The following UNC5D variants were observed in gnomAD, a reference collection of about 807,000 sequenced individuals.
UNC5D encodes the protein unc-5 netrin receptor D.
In UNC5D, 39 loss-of-function variants were observed where a neutral mutation model predicts 105.4. The observed-to-expected ratio is 0.37, with a 90% confidence interval of 0.29 to 0.48. The LOEUF (loss-of-function observed/expected upper bound fraction) is 0.48. Ranked by LOEUF, UNC5D falls within the 20% of genes least tolerant of loss-of-function variation. UNC5D has a pLI of 0.98. For synonymous variants in UNC5D, 452 were observed against 450.4 expected (o/e 1.00, Z -0.04); for missense variants, 991 against 1,202.4 (o/e 0.82, Z 2.60).
At chr8:35,246,727 T>A (rs182768949) in intron 1 of UNC5D, among the ~76,000 whole-genome samples, 162 of 152,278 alleles carry the variant, frequency 1.1e-3, no homozygotes, top group Admixed American at 2.8e-3. Flanking sequence ...CTCAAATCAA[T>A]GACTTGGTCA....
intron 4 of UNC5D, among the ~76,000 whole-genome samples, chr8:35,632,016 T>C (rs1347369209): frequency 6.6e-6 from 1 of 152,226 alleles, no homozygotes; most frequent in Non-Finnish European, 1.5e-5. Context: ...TGCATGCATC[T>C]GACATTGTCC....
At chr8:35,300,756 A>T (rs1304177341) in intron 1 of UNC5D, among the ~76,000 whole-genome samples, 7 of 152,140 alleles carry the variant, frequency 4.6e-5, no homozygotes, top group Admixed American at 2.6e-4. Context: ...AGTAATTGTG[A>T]AGTTACTTTT....
chr8:35,434,308 A>G (rs1376734007), intron 1 of UNC5D, among the ~76,000 whole-genome samples: 2 of 152,146 alleles, frequency 1.3e-5, no homozygotes, highest in East Asian at 1.9e-4. Flanking sequence ...ATGAGAGTCA[A>G]TGATTCCATT....
chr8:35,619,417 T>C (rs774784436), intron 4 of UNC5D, among the ~76,000 whole-genome samples: 43 of 152,142 alleles, frequency 2.8e-4, no homozygotes, highest in Non-Finnish European at 5.1e-4. Flanking sequence ...AAGGCACAAG[T>C]GGGAGAATCA....
At chr8:35,630,950 TAGA>T (rs1822001817) in intron 4 of UNC5D, among the ~76,000 whole-genome samples, 1 of 152,228 alleles carries the variant, frequency 6.6e-6, no homozygotes, top group Non-Finnish European at 1.5e-5. Flanking sequence ...GTAGTTTCTC[TAGA>T]CATTAAGACT....
At chr8:35,338,003 G>T (rs922807488) in intron 1 of UNC5D, among the ~76,000 whole-genome samples, 2 of 152,166 alleles carry the variant, frequency 1.3e-5, no homozygotes, top group African/African-American at 4.8e-5. Context: ...TAAAATTATT[G>T]TACAGTATTC....
chr8:35,608,637 C>A (rs545019804), intron 4 of UNC5D, among the ~76,000 whole-genome samples: 1 of 152,198 alleles, frequency 6.6e-6, no homozygotes, highest in African/African-American at 2.4e-5. Flanking sequence ...TCATTTCAAA[C>A]TCTATGTGCA....
intron 4 of UNC5D, among the ~76,000 whole-genome samples, chr8:35,678,503 A>C (rs1459666479): frequency 6.6e-6 from 1 of 152,184 alleles, no homozygotes; most frequent in Non-Finnish European, 1.5e-5. Flanking sequence ...ATAATTAACT[A>C]TCAGAAAAAA....
At chr8:35,547,700 A>G (rs1815799518) in intron 1 of UNC5D, among the ~76,000 whole-genome samples, 1 of 152,218 alleles carries the variant, frequency 6.6e-6, no homozygotes, top group Non-Finnish European at 1.5e-5. Context: ...TCTGGTCACA[A>G]CTGCATCAAT....
chr8:35,600,885 C>A (rs1819829554), intron 4 of UNC5D, among the ~76,000 whole-genome samples: 1 of 152,034 alleles, frequency 6.6e-6, no homozygotes, highest in African/African-American at 2.4e-5. Context: ...ATGCCTATGT[C>A]CTGAATGGTA....
intron 1 of UNC5D, among the ~76,000 whole-genome samples, chr8:35,237,892 T>C (rs1222595562): frequency 6.6e-6 from 1 of 151,800 alleles, no homozygotes; most frequent in Non-Finnish European, 1.5e-5. Context: ...GTAATTGGAG[T>C]TTTCAGAATA....
chr8:35,318,869 T>C (rs1004194049), intron 1 of UNC5D, among the ~76,000 whole-genome samples: 3 of 152,108 alleles, frequency 2.0e-5, no homozygotes, highest in African/African-American at 7.2e-5. Flanking sequence ...AGCTGTAACC[T>C]ATCCATTACG....
At chr8:35,541,628 C>T (rs1758754946) in intron 1 of UNC5D, among the ~76,000 whole-genome samples, 1 of 152,172 alleles carries the variant, frequency 6.6e-6, no homozygotes, top group Admixed American at 6.5e-5. Context: ...CCCTGTGATG[C>T]CTGCCATAAA....
chr8:35,433,404 A>G (rs940003867), intron 1 of UNC5D, among the ~76,000 whole-genome samples: 1 of 152,196 alleles, frequency 6.6e-6, no homozygotes. Context: ...TTCTTGCTTT[A>G]TGATAGCATA....
chr8:35,765,078 C>T (rs76859084), intron 14 of UNC5D, among the ~76,000 whole-genome samples: 3,048 of 152,248 alleles, frequency 0.02, 42 homozygotes, highest in Non-Finnish European at 0.032. Flanking sequence ...GTGGATTCTC[C>T]GGTGAATGTC....
At chr8:35,411,195 G>A (rs1251930143) in intron 1 of UNC5D, among the ~76,000 whole-genome samples, 2 of 152,042 alleles carry the variant, frequency 1.3e-5, no homozygotes, top group African/African-American at 2.4e-5. Flanking sequence ...GAGCACCATG[G>A]AGGTGCTTCT....
At chr8:35,449,893 C>G (rs1808035644) in intron 1 of UNC5D, among the ~76,000 whole-genome samples, 1 of 152,142 alleles carries the variant, frequency 6.6e-6, no homozygotes, top group Non-Finnish European at 1.5e-5. Context: ...CCATGGTGAT[C>G]CATTCAGCAT....
At chr8:35,375,937 T>C (rs1368763734) in intron 1 of UNC5D, among the ~76,000 whole-genome samples, 1 of 152,224 alleles carries the variant, frequency 6.6e-6, no homozygotes, top group Non-Finnish European at 1.5e-5. Context: ...TACCTCTTTA[T>C]ACTCTCCCAC....
chr8:35,406,313 A>G (rs1001951847), intron 1 of UNC5D, among the ~76,000 whole-genome samples: 1 of 152,202 alleles, frequency 6.6e-6, no homozygotes, highest in Non-Finnish European at 1.5e-5. Context: ...CAAATTGCAC[A>G]TATTTTTAGA....
Sources: gnomAD v4.1 joint callset for allele counts (sites outside exome capture counted in the v4.1 genomes callset) on GRCh38, gnomAD v4.1.1 for gene constraint, MANE v1.5 for transcripts, NCBI Gene and HGNC (gene_info 2026-07-23, HGNC 2026-07-21) for gene names.